ALK: variants seen among roughly 807,000 people sequenced by gnomAD.
ALK encodes the protein ALK tyrosine kinase receptor.
ALK carries 74 observed loss-of-function variants against 163.1 expected under a neutral mutation model. That is an observed-to-expected ratio of 0.45 (90% CI 0.38 to 0.55). ALK has a LOEUF of 0.55. Among genes scored for constraint, ALK ranks in the 20% least tolerant of loss-of-function variants. The pLI is 0.00. For missense variants in ALK, 2,063 were observed against 2,105.3 expected (o/e 0.98, Z 0.39); for synonymous variants, 960 against 843.2 (o/e 1.14, Z -2.40).
Position 29,705,602 on chromosome 2 carries a change from C to T in ALK, c.788-10588G>A, listed in dbSNP as rs932053916. ...GCATTGCAGGGAGTAACTGCAAGCA[C>T]AGATCCTGCATGAGGTCAGGCTCCC... is the stretch of plus-strand genomic sequence containing the variant. On this transcript the variant is annotated intron_variant, in intron 2 of 28. Coordinates refer to ENST00000389048, the MANE Select transcript of ALK (RefSeq NM_004304.5). Among the ~76,000 whole-genome samples the T allele has an allele frequency of 4.7e-4, 71 of 152,220 alleles. 1 individual carries two copies. Among genetic ancestry groups the T allele is most frequent in the African/African-American group, 1.6e-3 (66 of 41,560 alleles).
chr2:29,902,606 C>A (rs1055646952), intron 1 of ALK, among the ~76,000 whole-genome samples: 2 of 152,184 alleles, frequency 1.3e-5, no homozygotes, highest in Admixed American at 6.5e-5. Flanking sequence ...CTGTACTTAC[C>A]GACATAAAAT....
intron 1 of ALK, among the ~76,000 whole-genome samples, chr2:29,830,713 T>A (rs13031595): frequency 0.52 from 15,097 of 28,764 alleles, 5,174 homozygotes; most frequent in East Asian, 0.62. Flanking sequence ...TAAAATAGTT[T>A]AAAAAAAAAA....
chr2:29,529,544 A>T (rs530217866), intron 4 of ALK, among the ~76,000 whole-genome samples: 81 of 152,328 alleles, frequency 5.3e-4, no homozygotes, highest in African/African-American at 1.9e-3. Flanking sequence ...GAGCAGGCAA[A>T]TCTCCATCCT....
At chr2:29,272,039 C>T (rs993490169) in intron 11 of ALK, among the ~76,000 whole-genome samples, 1 of 152,176 alleles carries the variant, frequency 6.6e-6, no homozygotes, top group African/African-American at 2.4e-5. Context: ...GCCTGCTTGT[C>T]CCAATCTGGG....
intron 1 of ALK, among the ~76,000 whole-genome samples, chr2:29,880,760 T>C (rs931936729): frequency 5.3e-5 from 8 of 152,162 alleles, no homozygotes; most frequent in African/African-American, 1.9e-4. Context: ...ATTGCTTCTT[T>C]AAGGAATCCT....
intron 1 of ALK, among the ~76,000 whole-genome samples, chr2:29,823,982 G>T (rs116428818): frequency 6.6e-6 from 1 of 152,172 alleles, no homozygotes; most frequent in Admixed American, 6.5e-5. Flanking sequence ...AGGCCTAGGA[G>T]GAAAACATTG....
At chr2:29,561,770 T>C (rs1260219209) in intron 3 of ALK, among the ~76,000 whole-genome samples, 2 of 152,158 alleles carry the variant, frequency 1.3e-5, no homozygotes, top group Non-Finnish European at 2.9e-5. Flanking sequence ...ACATTCTCTT[T>C]TTGTCTGAAG....
chr2:29,890,646 C>T (rs1667119143), intron 1 of ALK: 1 of 152,196 alleles, frequency 6.6e-6, no homozygotes, highest in Admixed American at 6.5e-5. Context: ...TCCACGGCCC[C>T]TCTGAATCTC....
At chr2:29,895,612 A>G (rs770810797) in intron 1 of ALK, among the ~76,000 whole-genome samples, 1 of 152,206 alleles carries the variant, frequency 6.6e-6, no homozygotes, top group Admixed American at 6.5e-5. Flanking sequence ...GGTCTTTTAA[A>G]TGAGTGTTGC....
intron 2 of ALK, among the ~76,000 whole-genome samples, chr2:29,698,378 G>T (rs769422182): frequency 3.3e-5 from 5 of 152,200 alleles, no homozygotes; most frequent in Non-Finnish European, 7.3e-5. Flanking sequence ...CCTCTAGGGA[G>T]GGTCAAAAAG....
At chr2:29,810,662 T>A (rs1664735348) in intron 1 of ALK, among the ~76,000 whole-genome samples, 1 of 152,158 alleles carries the variant, frequency 6.6e-6, no homozygotes, top group African/African-American at 2.4e-5. Flanking sequence ...CTTTCTGAGC[T>A]ATGCTTTCCT....
intron 1 of ALK, among the ~76,000 whole-genome samples, chr2:29,737,532 C>T (rs1407290228): frequency 4.6e-5 from 7 of 152,028 alleles, no homozygotes; most frequent in Admixed American, 3.3e-4. Context: ...AGTGACATCA[C>T]GAGAAGCAAA....
chr2:29,852,726 G>A (rs572410267), intron 1 of ALK, among the ~76,000 whole-genome samples: 1 of 152,176 alleles, frequency 6.6e-6, no homozygotes, highest in Non-Finnish European at 1.5e-5. Context: ...AATCCCCAGT[G>A]TGATGGTATT....
Position 29,755,483 on chromosome 2 carries a change from C to T in ALK, c.668-37786G>A, listed in dbSNP as rs183669731. ...ATTTCTGCAGACTATCTCAGGTAAC[C>T]GGAATTTCAAAGGGCCCAGGATGGA... On this transcript the variant is annotated intron_variant, in intron 1 of 28. Transcript: ENST00000389048. Among the ~76,000 whole-genome samples the T allele has an allele frequency of 3.8e-3, 578 of 152,266 alleles. 5 individuals are homozygous for T. The highest frequency in any genetic ancestry group is 0.013 in the African/African-American group (523 of 41,540).
At chr2:29,493,349 ACT>A (rs1192374548) in intron 4 of ALK, among the ~76,000 whole-genome samples, 6 of 151,974 alleles carry the variant, frequency 3.9e-5, no homozygotes, top group Non-Finnish European at 8.8e-5. Context: ...TCATCCCCAA[ACT>A]CTGCTCCACA....
chr2:29,517,684 A>C (rs746555843), intron 4 of ALK, among the ~76,000 whole-genome samples: 11 of 152,220 alleles, frequency 7.2e-5, no homozygotes, highest in Non-Finnish European at 1.6e-4. Flanking sequence ...GAATTATCTC[A>C]TCAAATCACC....
chr2:29,366,419 A>T (rs73920798), intron 5 of ALK, among the ~76,000 whole-genome samples: 3,344 of 151,984 alleles, frequency 0.022, 126 homozygotes, highest in African/African-American at 0.076. Context: ...GGCAGTGGGG[A>T]GCCCTTGGCA....
intron 3 of ALK, among the ~76,000 whole-genome samples, chr2:29,646,112 T>C (rs918595319): frequency 3.3e-5 from 5 of 152,142 alleles, no homozygotes; most frequent in Non-Finnish European, 5.9e-5. Flanking sequence ...ATGGATTGAA[T>C]GATTCCAGTT....
chr2:29,245,529 A>ATG (rs2148192783), intron 12 of ALK, among the ~76,000 whole-genome samples: 1 of 135,528 alleles, frequency 7.4e-6, no homozygotes, highest in African/African-American at 2.8e-5. Context: ...TAGGGGCTCC[A>ATG]TGTCTCAGTG....
Sources: gnomAD v4.1 joint callset for allele counts (sites outside exome capture counted in the v4.1 genomes callset) on GRCh38, gnomAD v4.1.1 for gene constraint, MANE v1.5 for transcripts, NCBI Gene and HGNC (gene_info 2026-07-23, HGNC 2026-07-21) for gene names.